Variants in ACTR3 observed in about 807,000 individuals in gnomAD.
The protein encoded by ACTR3 is actin-related protein 3.
A neutral mutation model predicts 56.8 loss-of-function variants in ACTR3; 12 were observed. The observed-to-expected ratio is 0.21, with a 90% confidence interval of 0.14 to 0.34. The LOEUF (loss-of-function observed/expected upper bound fraction) is 0.34. Among genes scored for constraint, ACTR3 ranks in the 10% least tolerant of loss-of-function variants. The pLI, the probability that ACTR3 is intolerant of heterozygous loss-of-function variation, is 1.00. For synonymous variants in ACTR3, 162 were observed against 167.4 expected, an observed-to-expected ratio of 0.97 and a Z score of 0.25; for missense variants, 282 against 512.5, an observed-to-expected ratio of 0.55 and a Z score of 4.34.
intron 3 of ACTR3, among the ~76,000 whole-genome samples, chr2:113,919,813 C>T (rs1482973471): frequency 7.7e-6 from 1 of 129,260 alleles, no homozygotes; most frequent in African/African-American, 4.5e-5. Context: ...GGCACAATCA[C>T]AGCTCACTCA....
At chr2:113,894,554 A>T (rs1678968891) in intron 1 of ACTR3, among the ~76,000 whole-genome samples, 1 of 152,220 alleles carries the variant, frequency 6.6e-6, no homozygotes, top group Non-Finnish European at 1.5e-5. Flanking sequence ...TCAGACTCTT[A>T]CTTAGACTTA....
At chr2:113,918,390 T>C (rs570591807) in intron 3 of ACTR3, among the ~76,000 whole-genome samples, 6 of 151,450 alleles carry the variant, frequency 4.0e-5, no homozygotes, top group East Asian at 1.9e-4. Context: ...TTCTTTCTTT[T>C]TTTTTTTTTT....
At chr2:113,919,999 C>T (rs147339709) in intron 3 of ACTR3, among the ~76,000 whole-genome samples, 4,838 of 152,344 alleles carry the variant, frequency 0.032, 263 homozygotes, top group African/African-American at 0.11. Flanking sequence ...TCTCACCTCA[C>T]TGCATCCTCC....
At chr2:113,920,116 G>T (rs905816345) in intron 3 of ACTR3, among the ~76,000 whole-genome samples, 13 of 152,182 alleles carry the variant, frequency 8.5e-5, no homozygotes, top group African/African-American at 2.9e-4. Context: ...TAGAGATGGG[G>T]TTTCACCATT....
At chr2:113,914,975 C>T (rs1022581017) in intron 2 of ACTR3, among the ~76,000 whole-genome samples, 1 of 152,178 alleles carries the variant, frequency 6.6e-6, no homozygotes, top group African/African-American at 2.4e-5. Context: ...GTTTTTCTCA[C>T]ATTTATATGT....
At chr2:113,901,357 T>A (rs1052440948) in intron 1 of ACTR3, among the ~76,000 whole-genome samples, 4 of 152,238 alleles carry the variant, frequency 2.6e-5, no homozygotes, top group Non-Finnish European at 5.9e-5. Flanking sequence ...AAACTCTGTT[T>A]CAGCAACAAC....
chr2:113,905,094 TAGTTAG>T (rs1161373849), intron 1 of ACTR3: 1 of 152,232 alleles, frequency 6.6e-6, no homozygotes, highest in Admixed American at 6.5e-5. Context: ...TTTTAAGTTA[TAGTTAG>T]AAAGTCTCCT....
At chr2:113,921,318 G>GTT (rs559647219) in intron 3 of ACTR3, among the ~76,000 whole-genome samples, 5 of 127,272 alleles carry the variant, frequency 3.9e-5, no homozygotes, top group Non-Finnish European at 3.4e-5. Flanking sequence ...AAAAATCAGT[G>GTT]TTTTTTTTTT....
chr2:113,930,554 G>GAT (rs1679700810), intron 4 of ACTR3, among the ~76,000 whole-genome samples: 1 of 152,108 alleles, frequency 6.6e-6, no homozygotes, highest in Non-Finnish European at 1.5e-5. Context: ...TTGCCAGTCA[G>GAT]ACTCACAAGA....
intron 5 of ACTR3, 137 bp from the exon 6 acceptor site, chr2:113,934,142 T>G: frequency 1.6e-6 from 1 of 614,924 alleles, no homozygotes; most frequent in Non-Finnish European, 2.8e-6. Flanking sequence ...TAATTTTATG[T>G]ATTTTCTTTC....
intron 8 of ACTR3, among the ~76,000 whole-genome samples, chr2:113,945,738 A>T (rs761811610): frequency 6.6e-5 from 10 of 151,992 alleles, no homozygotes; most frequent in Non-Finnish European, 1.3e-4. Flanking sequence ...TTTTGTCCCC[A>T]GGTATTATTA....
At chr2:113,919,260 A>T (rs150531065) in intron 3 of ACTR3, among the ~76,000 whole-genome samples, 1 of 152,194 alleles carries the variant, frequency 6.6e-6, no homozygotes, top group African/African-American at 2.4e-5. Context: ...ATTATTTACT[A>T]TATTGGTTAT....
chr2:113,917,873 G>A (rs1679436467), intron 3 of ACTR3, among the ~76,000 whole-genome samples: 1 of 152,216 alleles, frequency 6.6e-6, no homozygotes, highest in Non-Finnish European at 1.5e-5. Context: ...ACAGTGCTCT[G>A]TGCATGTATC....
At chr2:113,896,541 TTTG>T (rs1679012383) in intron 1 of ACTR3, among the ~76,000 whole-genome samples, 1 of 152,328 alleles carries the variant, frequency 6.6e-6, no homozygotes, top group African/African-American at 2.4e-5. Context: ...AAAATTGGAA[TTTG>T]TTGTTGAATT....
At position 113,927,344 on chromosome 2, in the gene ACTR3, G is replaced by T. The variant is rs1276060856; in HGVS notation, c.226-1G>T. 1 of 1,532,350 alleles carries T rather than the reference G, an allele frequency of 6.5e-7. No individual in the cohort carries two copies. The highest frequency in any genetic ancestry group is 8.8e-7 in the Non-Finnish European group (1 of 1,141,520). 94.9% of individuals were successfully genotyped at this position (1,532,350 alleles called of 1,614,324 possible). A position where few individuals can be genotyped will look rare whatever the true frequency, so the allele number is the denominator to read the frequency against. On this transcript the variant is annotated splice_acceptor_variant, in intron 3 of 11. Coordinates refer to ENST00000263238, the MANE Select transcript of ACTR3 (RefSeq NM_005721.5). LOFTEE classifies it high-confidence loss of function. ...TTGTATTTCCCTTTTTGTTTTAATA[G>T]TGGCCAATCCGCCATGGTATAGTTG...
At chr2:113,904,590 ATTTTTC>A (rs1456646490) in intron 1 of ACTR3, 1 of 152,060 alleles carries the variant, frequency 6.6e-6, no homozygotes, top group African/African-American at 2.4e-5. Flanking sequence ...AACTGTTTTT[ATTTTTC>A]TTGTTTCTAG....
At chr2:113,890,941 C>T (rs996374935) in intron 1 of ACTR3, among the ~76,000 whole-genome samples, 2 of 152,152 alleles carry the variant, frequency 1.3e-5, no homozygotes, top group African/African-American at 2.4e-5. Context: ...GCGTTTTAAC[C>T]GGTGAACCAA....
At chr2:113,902,824 T>C (rs1177974452) in intron 1 of ACTR3, among the ~76,000 whole-genome samples, 1 of 152,198 alleles carries the variant, frequency 6.6e-6, no homozygotes, top group Non-Finnish European at 1.5e-5. Context: ...GGCCTCAAAC[T>C]CCTGACCTCA....
At chr2:113,943,587 G>A (rs1679962812) in intron 8 of ACTR3, among the ~76,000 whole-genome samples, 2 of 152,178 alleles carry the variant, frequency 1.3e-5, no homozygotes, top group Non-Finnish European at 2.9e-5. Context: ...GATGAAAGAT[G>A]AATAGTATTT....
Sources: gnomAD v4.1 joint callset for allele counts (sites outside exome capture counted in the v4.1 genomes callset) on GRCh38, gnomAD v4.1.1 for gene constraint, MANE v1.5 for transcripts, NCBI Gene and HGNC (gene_info 2026-07-23, HGNC 2026-07-21) for gene names.